Variants in PCSK4 observed in about 807,000 individuals in gnomAD.
The protein encoded by PCSK4 is testicular tissue protein Li 135.
Under a neutral mutation model 80.3 loss-of-function variants are expected in PCSK4, and 64 were observed. The ratio of observed to expected loss-of-function variants is 0.80; its 90% CI spans 0.65 to 0.98. PCSK4 has a LOEUF of 0.98. Among genes scored for constraint, PCSK4 ranks in the 50% least tolerant of loss-of-function variants. The pLI is 0.00. For synonymous variants in PCSK4, 561 were observed against 487.6 expected (o/e 1.15, Z -1.98); for missense variants, 1,213 against 1,093.6 (o/e 1.11, Z -1.54).
intron 6 of PCSK4, 73 bp from the exon 7 acceptor site, chr19:1,487,386 C>G (rs561725576): frequency 7.9e-4 from 990 of 1,246,036 alleles, no homozygotes; most frequent in South Asian, 8.8e-4. Context: ...CCCCGCGCCA[C>G]TCCACACCAC....
At position 1,483,814 on chromosome 19, in the gene PCSK4, C is replaced by T. The variant is rs1284235219; in HGVS notation, c.1273+24G>A. 4.0e-6 allele frequency: 6 copies of T among 1,488,258 alleles called. No individual in the cohort carries two copies. The South Asian group carries it at 6.5e-5, about 16-fold the overall frequency. The allele number at this position is 1,488,258 out of a possible 1,614,324, so 92.2% of individuals were successfully genotyped here. On this transcript the variant is annotated intron_variant, in intron 10 of 14. Transcript: ENST00000300954. ...ACTCGCCCCGTGGGCCCCGGGTCCC[C>T]GCCCCCGCCCGGCCCCGCCGCACCT...
At chr19:1,486,526 G>A (rs1000527412) in intron 8 of PCSK4, among the ~76,000 whole-genome samples, 6 of 147,968 alleles carry the variant, frequency 4.1e-5, no homozygotes, top group African/African-American at 1.0e-4. Context: ...TCGATCTCCC[G>A]ACCTCGTGAT....
chr19:1,483,638 C>T lies in PCSK4; in HGVS notation c.1391+12G>A. 6.4e-7 allele frequency: 1 copy of T among 1,569,284 alleles called. No homozygotes were observed. The highest frequency in any genetic ancestry group is 8.6e-7 in the Non-Finnish European group (1 of 1,160,778). On this transcript the variant is annotated intron_variant, in intron 11 of 14. Transcript: ENST00000300954. ...CCAGCGGGGATAGCGGAGGGGCGCG[C>T]AGGGGTCTCACGTGGGGCGGCTCTG...
At chr19:1,483,976 C>T (rs896578518) in intron 9 of PCSK4, 35 bp from the exon 10 acceptor site, 5 of 1,447,924 alleles carry the variant, frequency 3.5e-6, no homozygotes, top group Non-Finnish European at 3.7e-6. Flanking sequence ...GGTGAGCCGC[C>T]GGGCCGCGCC....
In PCSK4 at chr19:1,482,049, G is replaced by A. The variant is rs764744239; in HGVS notation, c.1978C>T (p.Arg660Cys). Residue 660 changes from arginine to cysteine, a missense_variant, in exon 15 of 15, where the codon CGC becomes TGC. By Grantham distance (180) the Arg-to-Cys change is radical. Transcript: ENST00000300954. ...GTGCAGTCCCTCGGGGAGCCGCCGC[G>A]GCAGGTGTAGCAGGAGGCATGGCAG... 1.7e-5 allele frequency: 26 copies of A among 1,558,608 alleles called. No homozygotes were observed. The Admixed American group carries it at 2.5e-4, about 15-fold the overall frequency.
rs150434057 is a variant in PCSK4 at position 1,481,904 on chromosome 19, G to A, written c.2123C>T (p.Ser708Leu). The change falls in exon 15 of 15, where the codon TCG (serine) becomes TTG (leucine). Residue 708 changes from serine (S) to leucine (L), a missense_variant. Transcript: ENST00000300954. ...GGCCAGGAGGCTCAGCACCATGGCC[G>A]AGGCTGGGCAGCGGTGGTGGGGACA... The A allele has an allele frequency of 2.9e-5, 46 of 1,595,080 alleles. No individual in the cohort carries two copies. The highest frequency in any genetic ancestry group is 3.4e-5 in the Non-Finnish European group (40 of 1,170,142).
rs1193372996 is a variant in PCSK4, at chr19:1,482,716, CTG to C, written c.1696+178_1696+179del. 8 of 761,048 alleles carry C rather than the reference CTG, an allele frequency of 1.1e-5. No homozygotes were observed. The East Asian group carries it at 2.1e-4, about 20-fold the overall frequency. The allele number at this position is 761,048 out of a possible 1,614,324, so 47.1% of individuals were successfully genotyped here. On this transcript the variant is annotated intron_variant, in intron 13 of 14. Transcript: ENST00000300954. ...CATCTCCCGTGTTACCGCACACCTA[CTG>C]TGTGCCTGTCATTGCACACCATCTC...
In PCSK4 at chr19:1,483,475, G is replaced by A. The variant is rs112872509; in HGVS notation, c.1392-12C>T. ...GCGGCAGGATGGGGCTGAGGGGGTC[G>A]AGGGGTGAGGACCCTCCTGCGGCCT... On this transcript the variant is annotated splice_polypyrimidine_tract_variant and intron_variant, in intron 11 of 14. Transcript: ENST00000300954. The A allele has an allele frequency of 6.4e-7, 1 of 1,567,148 alleles. No homozygotes were observed. Among genetic ancestry groups the A allele is most frequent in the Non-Finnish European group, 8.6e-7 (1 of 1,156,524 alleles).
chr19:1,487,156 C>A, exon 7 of PCSK4: 1 of 1,605,934 alleles, frequency 6.2e-7, no homozygotes, highest in Non-Finnish European at 8.5e-7. Flanking sequence ...TCACACCACG[C>A]CGGAAGGCCT....
intron 2 of PCSK4, chr19:1,489,549 G>A (rs1020330942): frequency 3.4e-6 from 2 of 588,772 alleles, no homozygotes; most frequent in African/African-American, 1.9e-5. Flanking sequence ...AGCCCCTGGG[G>A]CCCAGAGGAG....
chr19:1,481,824 C>T (rs754122721), exon 15 of PCSK4: 10 of 1,544,474 alleles, frequency 6.5e-6, no homozygotes, highest in East Asian at 2.3e-5. Context: ...GAGAGCCAGG[C>T]GTATAGTGGG....
At chr19:1,488,840 C>T (rs1329101231) in intron 2 of PCSK4, among the ~76,000 whole-genome samples, 9 of 152,188 alleles carry the variant, frequency 5.9e-5, no homozygotes, top group African/African-American at 2.2e-4. Flanking sequence ...CTTGGCCTCC[C>T]GAAGTGCCGG....
At chr19:1,481,583 A>G in exon 15 of PCSK4, 1 of 484,936 alleles carries the variant, frequency 2.1e-6, no homozygotes, top group Non-Finnish European at 3.6e-6. Context: ...AATGCAGAGG[A>G]GACTTCTCTC....
intron 13 of PCSK4, 28 bp from the exon 14 acceptor site, chr19:1,482,503 G>T: frequency 1.3e-6 from 2 of 1,585,018 alleles, no homozygotes; most frequent in Non-Finnish European, 8.6e-7. Context: ...GTGGGCACAG[G>T]AGGAAAAGGA....
upstream of PCSK4, chr19:1,490,688 A>C: frequency 3.3e-6 from 1 of 299,938 alleles, no homozygotes; most frequent in Non-Finnish European, 6.2e-6. Flanking sequence ...TCCTTCGAGA[A>C]TCAGCCCGGC....
exon 13 of PCSK4, chr19:1,482,992 T>A: frequency 6.2e-7 from 1 of 1,602,106 alleles, no homozygotes; most frequent in Non-Finnish European, 8.5e-7. Flanking sequence ...ACCCAGTTGT[T>A]GTAGCCTTCA....
chr19:1,484,963 T>C (rs2084528544), intron 8 of PCSK4, among the ~76,000 whole-genome samples: 1 of 151,666 alleles, frequency 6.6e-6, no homozygotes, highest in Non-Finnish European at 1.5e-5. Flanking sequence ...TGTGGCAACA[T>C]GGTGAAACCC....
rs1313562485 is a variant in PCSK4, at chr19:1,488,283, G to A, written c.295-3C>T. 3 of 1,610,654 alleles carry A rather than the reference G, an allele frequency of 1.9e-6. No individual in the cohort carries two copies. The highest frequency in any genetic ancestry group is 1.7e-5 in the Admixed American group (1 of 59,890). On this transcript the variant is annotated splice_region_variant and splice_polypyrimidine_tract_variant and intron_variant, in intron 2 of 14. Transcript: ENST00000300954. Reference sequence around the variant, plus strand: ...GTCTGCTGCTGGAACCACTGCACCTGCAGAGCAGAGGGTGCATCAGGCCTG... The same window carrying A: ...GTCTGCTGCTGGAACCACTGCACCTACAGAGCAGAGGGTGCATCAGGCCTG...
exon 15 of PCSK4, chr19:1,482,131 C>T (rs1432479438): frequency 6.4e-7 from 1 of 1,556,948 alleles, no homozygotes; most frequent in Non-Finnish European, 8.6e-7. Flanking sequence ...CGGTCACCAG[C>T]CTTGTGTGGT....
Sources: allele counts gnomAD v4.1 joint callset (sites outside exome capture counted in the v4.1 genomes callset), GRCh38; gene constraint gnomAD v4.1.1; transcripts MANE v1.5; gene names NCBI Gene and HGNC (gene_info 2026-07-23, HGNC 2026-07-21).